The following UBAC2 variants were observed in gnomAD, a reference collection of about 807,000 sequenced individuals.
UBAC2 encodes ubiquitin-associated domain-containing protein 2.
In UBAC2, 26 loss-of-function variants were observed where a neutral mutation model predicts 44.0. The ratio of observed to expected loss-of-function variants is 0.59; its 90% confidence interval spans 0.43 to 0.82. UBAC2 has a LOEUF of 0.82. Among genes scored for constraint, UBAC2 ranks in the 40% least tolerant of loss-of-function variants. The pLI, the probability that UBAC2 is intolerant of heterozygous loss-of-function variation, is 0.00. For synonymous variants in UBAC2, 155 were observed against 154.3 expected (o/e 1.00, Z -0.04); for missense variants, 329 against 419.4 (o/e 0.78, Z 1.88).
chr13:99,241,264 C>CAAAAAA (rs35336464), intron 2 of UBAC2, among the ~76,000 whole-genome samples: 3 of 114,862 alleles, frequency 2.6e-5, no homozygotes, highest in African/African-American at 7.1e-5. Flanking sequence ...GACCCTGTCT[C>CAAAAAA]AAAAAAAAAA....
chr13:99,233,773 T>C (rs1457745471), intron 1 of UBAC2, among the ~76,000 whole-genome samples: 2 of 151,908 alleles, frequency 1.3e-5, no homozygotes, highest in African/African-American at 4.8e-5. Flanking sequence ...TAAACCCTAG[T>C]GTAAGTCTTA....
At chr13:99,242,537 G>A (rs1160223179) in intron 2 of UBAC2, among the ~76,000 whole-genome samples, 1 of 139,498 alleles carries the variant, frequency 7.2e-6, no homozygotes, top group Non-Finnish European at 1.6e-5. Context: ...CGGACGGGGC[G>A]GCTGTCCGGG....
chr13:99,297,483 C>T (rs2044194078), intron 4 of UBAC2, among the ~76,000 whole-genome samples: 1 of 152,070 alleles, frequency 6.6e-6, no homozygotes, highest in African/African-American at 2.4e-5. Context: ...TGACTTGGAT[C>T]TCAGCTAACT....
chr13:99,305,123 TG>T (rs1228580574), intron 4 of UBAC2, among the ~76,000 whole-genome samples: 18 of 152,210 alleles, frequency 1.2e-4, no homozygotes, highest in Admixed American at 7.2e-4. Context: ...AAATTTCGAT[TG>T]AAAAAAGATG....
At chr13:99,384,245 C>T (rs972104242) in intron 8 of UBAC2, among the ~76,000 whole-genome samples, 1 of 152,156 alleles carries the variant, frequency 6.6e-6, no homozygotes, top group South Asian at 2.1e-4. Flanking sequence ...CTCTTTAATG[C>T]GCAAGTGGCT....
chr13:99,338,061 T>TC (rs2044824532), intron 6 of UBAC2, among the ~76,000 whole-genome samples: 1 of 98,470 alleles, frequency 1.0e-5, no homozygotes, highest in African/African-American at 3.5e-5. Flanking sequence ...TTTTTTTTTT[T>TC]TTTTTTTTTT....
At chr13:99,348,435 G>A (rs1329583810) in intron 7 of UBAC2, among the ~76,000 whole-genome samples, 1 of 152,210 alleles carries the variant, frequency 6.6e-6, no homozygotes, top group Non-Finnish European at 1.5e-5. Context: ...AGGTGTTTCA[G>A]TCACGGGGGG....
intron 1 of UBAC2, among the ~76,000 whole-genome samples, chr13:99,216,605 T>A (rs1165975719): frequency 3.9e-5 from 6 of 152,142 alleles, no homozygotes; most frequent in Admixed American, 3.9e-4. Flanking sequence ...TGCCCTCAAT[T>A]CTCCCGAAGA....
In UBAC2 at chr13:99,330,391, C is replaced by T. The variant is rs117651102; in HGVS notation, c.562-9929C>T. 1.2e-4 allele frequency among the ~76,000 whole-genome samples: 15 copies of T among 126,352 alleles called. No homozygotes were observed. The East Asian group carries it at 3.0e-3, about 25-fold the overall frequency. 82.9% of individuals were successfully genotyped at this position (126,352 alleles called of 152,430 possible). A position where few individuals can be genotyped will look rare whatever the true frequency, so the allele number is the denominator to read the frequency against. ...GGAGAATCGCTTGAACCTGGGACGC[C>T]GAGGTTGTAGTGAGCTGAGATCATG... is the stretch of plus-strand genomic sequence containing the variant. On this transcript the variant is annotated intron_variant, in intron 6 of 8. Transcript: ENST00000403766.
chr13:99,304,943 G>A (rs575232273), intron 4 of UBAC2, among the ~76,000 whole-genome samples: 2 of 152,350 alleles, frequency 1.3e-5, no homozygotes, highest in Admixed American at 1.3e-4. Context: ...CTGAACAAGA[G>A]AGACTAGGAG....
At chr13:99,300,232 C>A (rs2044238502) in intron 4 of UBAC2, among the ~76,000 whole-genome samples, 1 of 152,210 alleles carries the variant, frequency 6.6e-6, no homozygotes, top group Admixed American at 6.5e-5. Context: ...TAACTGACGA[C>A]CGTTGTGCAC....
intron 4 of UBAC2, among the ~76,000 whole-genome samples, chr13:99,291,357 T>C (rs747959649): frequency 2.0e-5 from 3 of 152,176 alleles, no homozygotes; most frequent in Non-Finnish European, 2.9e-5. Context: ...TAGTCCTCCC[T>C]GGGTTCAAAA....
At chr13:99,362,697 T>C (rs1332413913) in intron 7 of UBAC2, among the ~76,000 whole-genome samples, 1 of 152,270 alleles carries the variant, frequency 6.6e-6, no homozygotes, top group Non-Finnish European at 1.5e-5. Context: ...CTTGAGTCAC[T>C]TATTTTTTTC....
intron 1 of UBAC2, among the ~76,000 whole-genome samples, chr13:99,232,399 G>GATACATATATATATATATATAT (rs2043184027): frequency 2.7e-5 from 3 of 109,902 alleles, no homozygotes; most frequent in Non-Finnish European, 6.3e-5. Flanking sequence ...TTAGTTGAGA[G>GATACATATATATATATATATAT]ATATAGATAT....
chr13:99,228,201 C>CAA (rs541800322), intron 1 of UBAC2, among the ~76,000 whole-genome samples: 164 of 152,300 alleles, frequency 1.1e-3, no homozygotes, highest in African/African-American at 3.8e-3. Flanking sequence ...GCAGTCCTGT[C>CAA]AGAGTCACAA....
intron 4 of UBAC2, among the ~76,000 whole-genome samples, chr13:99,288,161 T>A (rs1470988224): frequency 1.3e-5 from 2 of 152,236 alleles, no homozygotes; most frequent in East Asian, 1.9e-4. Context: ...TCTGACACAC[T>A]TTTTTCTTCT....
At chr13:99,355,690 G>T (rs959045555) in intron 7 of UBAC2, among the ~76,000 whole-genome samples, 2 of 152,250 alleles carry the variant, frequency 1.3e-5, no homozygotes, top group Admixed American at 6.5e-5. Flanking sequence ...GAGGAGTGAT[G>T]GGTCAGTCAC....
chr13:99,339,252 T>A (rs147476787), intron 6 of UBAC2, among the ~76,000 whole-genome samples: 1 of 152,316 alleles, frequency 6.6e-6, no homozygotes, highest in East Asian at 1.9e-4. Flanking sequence ...CACCGCATCA[T>A]CCTTAAGATC....
chr13:99,223,819 T>C (rs1239155803), intron 1 of UBAC2, among the ~76,000 whole-genome samples: 2 of 152,216 alleles, frequency 1.3e-5, no homozygotes, highest in Non-Finnish European at 2.9e-5. Context: ...TGCTGTTGGC[T>C]TCTGATTTTT....
Sources: allele counts gnomAD v4.1 joint callset (sites outside exome capture counted in the v4.1 genomes callset), GRCh38; gene constraint gnomAD v4.1.1; transcripts MANE v1.5; gene names NCBI Gene and HGNC (gene_info 2026-07-23, HGNC 2026-07-21).